NELL1: variants seen among roughly 807,000 people sequenced by gnomAD.
NELL1 encodes the protein protein kinase C-binding protein NELL1.
Under a neutral mutation model 107.4 loss-of-function variants are expected in NELL1, and 76 were observed. The ratio of observed to expected loss-of-function variants is 0.71; its 90% CI spans 0.59 to 0.86. The LOEUF (loss-of-function observed/expected upper bound fraction) is 0.86. NELL1 is among the 40% of genes least tolerant of loss of function. NELL1 has a pLI of 0.00. For synonymous variants in NELL1, 353 were observed against 341.2 expected (o/e 1.03, Z -0.38); for missense variants, 1,024 against 1,005.5 (o/e 1.02, Z -0.25).
chr11:20,914,575 C>A (rs530118817), intron 5 of NELL1, among the ~76,000 whole-genome samples: 22 of 152,112 alleles, frequency 1.4e-4, no homozygotes, highest in African/African-American at 4.8e-4. Context: ...GATGTAAATG[C>A]TGGAGAGGTT....
At chr11:20,755,085 G>T (rs1310225387) in intron 2 of NELL1, among the ~76,000 whole-genome samples, 4 of 152,174 alleles carry the variant, frequency 2.6e-5, no homozygotes, top group Non-Finnish European at 4.4e-5. Context: ...ATCATCAGCC[G>T]TTTCTGCTCC....
At chr11:20,976,726 G>A (rs1851643727) in intron 12 of NELL1, among the ~76,000 whole-genome samples, 1 of 151,928 alleles carries the variant, frequency 6.6e-6, no homozygotes, top group South Asian at 2.1e-4. Context: ...AGAATTCTGT[G>A]GATCATATTT....
chr11:20,713,058 A>T lies in NELL1; in HGVS notation c.184+34998A>T, dbSNP rs79390601. 8.6e-3 allele frequency among the ~76,000 whole-genome samples: 1,303 copies of T among 152,346 alleles called. 14 individuals are homozygous for T. Among genetic ancestry groups the T allele is most frequent in the Middle Eastern group, 0.024 (7 of 294 alleles). On this transcript the variant is annotated intron_variant, in intron 2 of 19. Transcript: ENST00000357134. ...TTTTCTCTTTCCTGGGAGCAGGATT[A>T]TTCCATCATGAGTTGCTTTAATGGC...
At chr11:21,376,324 T>A (rs554374130) in intron 15 of NELL1, among the ~76,000 whole-genome samples, 2 of 152,266 alleles carry the variant, frequency 1.3e-5, no homozygotes, top group East Asian at 3.9e-4. Context: ...CCACTGCTTA[T>A]TTTTGTCAAC....
At chr11:20,970,606 A>G (rs955957460) in intron 12 of NELL1, among the ~76,000 whole-genome samples, 3 of 152,150 alleles carry the variant, frequency 2.0e-5, no homozygotes, top group Non-Finnish European at 4.4e-5. Context: ...GTTCTTAAGA[A>G]TAAGATGTTC....
chr11:20,879,463 G>C (rs978926439), intron 4 of NELL1, among the ~76,000 whole-genome samples: 2 of 152,056 alleles, frequency 1.3e-5, no homozygotes, highest in African/African-American at 4.8e-5. Flanking sequence ...TCATAAATTG[G>C]CTAAATCCAA....
intron 5 of NELL1, among the ~76,000 whole-genome samples, chr11:20,917,016 G>A (rs1310993943): frequency 6.6e-6 from 1 of 151,906 alleles, no homozygotes; most frequent in Non-Finnish European, 1.5e-5. Flanking sequence ...TGCCACATGT[G>A]CTTGAAGGTG....
At chr11:21,375,427 C>A (rs1191764144) in intron 15 of NELL1, among the ~76,000 whole-genome samples, 1 of 151,928 alleles carries the variant, frequency 6.6e-6, no homozygotes, top group African/African-American at 2.4e-5. Context: ...GTATATGTAC[C>A]ATATTTTCTT....
intron 15 of NELL1, among the ~76,000 whole-genome samples, chr11:21,436,748 T>A (rs1853133268): frequency 6.6e-6 from 1 of 152,190 alleles, no homozygotes; most frequent in Non-Finnish European, 1.5e-5. Flanking sequence ...TTTCAACTTT[T>A]ATAAAATAGA....
At chr11:21,524,782 T>C (rs1272012983) in intron 15 of NELL1, among the ~76,000 whole-genome samples, 1 of 152,206 alleles carries the variant, frequency 6.6e-6, no homozygotes, top group African/African-American at 2.4e-5. Flanking sequence ...CATAGGATTT[T>C]CAGTCTTGGA....
intron 12 of NELL1, among the ~76,000 whole-genome samples, chr11:21,062,457 A>G (rs914242273): frequency 1.3e-5 from 2 of 152,218 alleles, no homozygotes; most frequent in Non-Finnish European, 2.9e-5. Context: ...CCAGTTATTA[A>G]TAAATCTATT....
chr11:21,154,841 G>A (rs942044431), intron 13 of NELL1, among the ~76,000 whole-genome samples: 1 of 152,106 alleles, frequency 6.6e-6, no homozygotes, highest in African/African-American at 2.4e-5. Context: ...TATGTTGTTA[G>A]TACACAAAAT....
chr11:20,738,990 G>T (rs992813507), intron 2 of NELL1, among the ~76,000 whole-genome samples: 5 of 152,200 alleles, frequency 3.3e-5, no homozygotes, highest in African/African-American at 4.8e-5. Flanking sequence ...GAGCTGAGTT[G>T]TCCTATATAA....
At chr11:20,970,053 G>GTCCGTCCGTCCATCCA (rs1288028582) in intron 12 of NELL1, among the ~76,000 whole-genome samples, 24 of 125,968 alleles carry the variant, frequency 1.9e-4, no homozygotes, top group African/African-American at 7.5e-4. Flanking sequence ...CTATCTCTCT[G>GTCCGTCCGTCCATCCA]TCCATCCATC....
At chr11:21,214,538 A>G (rs889716711) in intron 13 of NELL1, among the ~76,000 whole-genome samples, 3 of 152,264 alleles carry the variant, frequency 2.0e-5, no homozygotes, top group Middle Eastern at 3.4e-3. Context: ...AATAGTGACA[A>G]CATCAGGTGT....
intron 13 of NELL1, among the ~76,000 whole-genome samples, chr11:21,177,943 G>A (rs1353712541): frequency 6.6e-6 from 1 of 151,706 alleles, no homozygotes; most frequent in Non-Finnish European, 1.5e-5. Flanking sequence ...CAGGTGCTTT[G>A]CTCATTTTAA....
chr11:21,091,084 A>ATT (rs1243315633), intron 12 of NELL1, among the ~76,000 whole-genome samples: 1 of 152,186 alleles, frequency 6.6e-6, no homozygotes. Context: ...AACTGTAGCT[A>ATT]TTTTTATATG....
chr11:21,096,265 C>G (rs1305403600), intron 12 of NELL1, among the ~76,000 whole-genome samples: 1 of 152,090 alleles, frequency 6.6e-6, no homozygotes, highest in Admixed American at 6.6e-5. Flanking sequence ...ACACTGTGTT[C>G]TTTGGAAACC....
chr11:21,156,757 T>C (rs1015667482), intron 13 of NELL1, among the ~76,000 whole-genome samples: 2 of 152,072 alleles, frequency 1.3e-5, no homozygotes, highest in African/African-American at 4.8e-5. Flanking sequence ...TTTAGTATAA[T>C]GCTGAGACTT....
Sources: gnomAD v4.1 joint callset for allele counts (sites outside exome capture counted in the v4.1 genomes callset) on GRCh38, gnomAD v4.1.1 for gene constraint, MANE v1.5 for transcripts, NCBI Gene and HGNC (gene_info 2026-07-23, HGNC 2026-07-21) for gene names.